VCAN: variants seen among roughly 807,000 people sequenced by gnomAD.
VCAN encodes versican, also known as versican core protein.
VCAN carries 44 observed loss-of-function variants against 245.5 expected under a neutral mutation model. The ratio of observed to expected loss-of-function variants is 0.18; its 90% CI spans 0.14 to 0.23. VCAN has a LOEUF of 0.23. VCAN is among the 10% of genes least tolerant of loss of function. VCAN has a pLI of 1.00. For synonymous variants in VCAN, 1,413 were observed against 1,437.0 expected (o/e 0.98, Z 0.38); for missense variants, 3,793 against 4,057.9 (o/e 0.93, Z 1.77).
intron 5 of VCAN, among the ~76,000 whole-genome samples, chr5:83,510,519 A>G (rs752037985): frequency 1.1e-4 from 17 of 152,192 alleles, no homozygotes; most frequent in Admixed American, 2.0e-4. Context: ...CAGCTACAAT[A>G]GTGGGCTATC....
Position 83,581,842 on chromosome 5 carries a change from G to A in VCAN, c.*1408G>A, listed in dbSNP as rs886060837. The A allele has an allele frequency of 2.4e-4, 37 of 152,168 alleles. No homozygotes were observed. The highest frequency in any genetic ancestry group is 7.2e-4 in the Admixed American group (11 of 15,266). 9.4% of individuals were successfully genotyped at this position (152,168 alleles called of 1,614,324 possible). On this transcript the variant is annotated 3_prime_UTR_variant, in exon 15 of 15. Coordinates refer to ENST00000265077, the MANE Select transcript of VCAN (RefSeq NM_004385.5). Reference sequence around the variant, plus strand: ...TTATCCACTTAATTTAATGTTTAAAGAAAAACCTGTAATGGAAAGTAAGAC... The same window carrying A: ...TTATCCACTTAATTTAATGTTTAAAAAAAAACCTGTAATGGAAAGTAAGAC...
intron 6 of VCAN, 143 bp from the exon 7 acceptor site, chr5:83,519,206 T>G: frequency 1.4e-6 from 1 of 732,316 alleles, no homozygotes; most frequent in Non-Finnish European, 2.2e-6. Context: ...AAGTATAGTT[T>G]TAAGACTCCT....
chr5:83,573,620 C>T (rs1185312748), intron 13 of VCAN, among the ~76,000 whole-genome samples: 30 of 151,992 alleles, frequency 2.0e-4, no homozygotes, highest in African/African-American at 4.8e-5. Flanking sequence ...AACATGACAG[C>T]GTGCTTCATA....
Position 83,521,441 on chromosome 5 carries a change from A to T in VCAN, c.3135A>T (p.Pro1045=), listed in dbSNP as rs1458584808. 1.2e-6 allele frequency: 2 copies of T among 1,614,048 alleles called. No homozygotes were observed. ...GGAAAGAACAGACTGCAGAGAAACCAGTTCCTGCTCTCAGTTCTACAGCTT... is the reference window on the plus strand; with the variant it reads ...GGAAAGAACAGACTGCAGAGAAACCTGTTCCTGCTCTCAGTTCTACAGCTT... ...FPWKEQTAEK[P]VPALSSTAWT... The change falls in exon 7 of 15, where the codon CCA becomes CCT. Residue 1045 remains proline, a synonymous_variant. Transcript: ENST00000265077.
chr5:83,482,538 G>A (rs182270558), intron 1 of VCAN, among the ~76,000 whole-genome samples: 8 of 152,318 alleles, frequency 5.3e-5, no homozygotes, highest in South Asian at 2.1e-4. Flanking sequence ...AAGGAGAAAC[G>A]CATGGCTATT....
At chr5:83,562,214 T>C (rs1747891715) in intron 12 of VCAN, 1 of 152,196 alleles carries the variant, frequency 6.6e-6, no homozygotes, top group Non-Finnish European at 1.5e-5. Flanking sequence ...AAGGAAAACA[T>C]GCTCTTTTCT....
intron 2 of VCAN, among the ~76,000 whole-genome samples, chr5:83,484,612 T>A (rs1364576559): frequency 6.6e-6 from 1 of 152,196 alleles, no homozygotes; most frequent in Non-Finnish European, 1.5e-5. Context: ...ATGATATTTT[T>A]TGAATACCTT....
intron 5 of VCAN, among the ~76,000 whole-genome samples, chr5:83,504,662 A>AT (rs1255468180): frequency 6.6e-6 from 1 of 152,206 alleles, no homozygotes; most frequent in African/African-American, 2.4e-5. Flanking sequence ...GATTACAGGC[A>AT]TGAGCCACTG....
chr5:83,575,799 A>G (rs1189818524), intron 13 of VCAN, among the ~76,000 whole-genome samples: 1 of 152,126 alleles, frequency 6.6e-6, no homozygotes, highest in Non-Finnish European at 1.5e-5. Flanking sequence ...TCACAAAAAC[A>G]CCATGATTGT....
chr5:83,568,737 AT>A (rs1218380202), intron 12 of VCAN, among the ~76,000 whole-genome samples: 1 of 152,198 alleles, frequency 6.6e-6, no homozygotes, highest in Non-Finnish European at 1.5e-5. Flanking sequence ...TATAAAGTTC[AT>A]TTTTAGCAAT....
In VCAN at chr5:83,519,344, TC is replaced by T; in HGVS notation, c.1043-4del. 6.2e-7 allele frequency: 1 copy of T among 1,613,574 alleles called. No individual in the cohort carries two copies. Among genetic ancestry groups the T allele is most frequent in the Non-Finnish European group, 8.5e-7 (1 of 1,179,710 alleles). On this transcript the variant is annotated splice_region_variant and splice_polypyrimidine_tract_variant and intron_variant, in intron 6 of 14. Transcript: ENST00000265077. Reference sequence around the variant, plus strand: ...CTAATCAACTCTTTGAAATTATTTTTCTAGCTAAAGAGGCTACAACCATCGA... The same window carrying T: ...CTAATCAACTCTTTGAAATTATTTTTTAGCTAAAGAGGCTACAACCATCGA...
At chr5:83,496,766 C>T (rs1745172748) in intron 5 of VCAN, among the ~76,000 whole-genome samples, 2 of 152,152 alleles carry the variant, frequency 1.3e-5, no homozygotes, top group Admixed American at 1.3e-4. Context: ...AGGAAGATCA[C>T]AAAATCATTC....
chr5:83,560,951 G>A lies in VCAN; in HGVS notation c.9735+5913G>A, dbSNP rs1580068752. On this transcript the variant is annotated intron_variant, in intron 12 of 14. Coordinates refer to ENST00000265077, the MANE Select transcript of VCAN (RefSeq NM_004385.5). ...GGGAACCATCACTTTAGATGGCCAT[G>A]TATAGAGGCCGAGGACTGAATAAAA... Among the ~76,000 whole-genome samples, 3 of 152,274 alleles carry A rather than the reference G, an allele frequency of 2.0e-5. No homozygotes were observed. The East Asian group carries it at 5.8e-4, about 29-fold the overall frequency.
intron 7 of VCAN, among the ~76,000 whole-genome samples, chr5:83,535,250 G>T (rs547345430): frequency 4.8e-4 from 73 of 152,000 alleles, no homozygotes; most frequent in Non-Finnish European, 9.7e-4. Flanking sequence ...TATACAGAAT[G>T]GAATGGAATG....
At chr5:83,532,029 T>C (rs1205407809) in intron 7 of VCAN, among the ~76,000 whole-genome samples, 2 of 152,158 alleles carry the variant, frequency 1.3e-5, no homozygotes, top group African/African-American at 4.8e-5. Flanking sequence ...AGCAGTCTTT[T>C]ATAAGACTAA....
At chr5:83,576,072 T>C (rs182448282) in intron 13 of VCAN, among the ~76,000 whole-genome samples, 175 of 152,256 alleles carry the variant, frequency 1.1e-3, no homozygotes, top group African/African-American at 4.1e-3. Context: ...ATTACATACT[T>C]GTAACGATTT....
chr5:83,558,781 A>G (rs913179204), intron 12 of VCAN, among the ~76,000 whole-genome samples: 12 of 152,134 alleles, frequency 7.9e-5, no homozygotes, highest in African/African-American at 2.4e-4. Flanking sequence ...ACTGGCCTCT[A>G]TAATAGGATG....
chr5:83,499,384 C>T lies in VCAN; in HGVS notation c.748+5453C>T, dbSNP rs140290660. Among the ~76,000 whole-genome samples the T allele has an allele frequency of 7.2e-3, 1,101 of 152,192 alleles. 13 individuals carry two copies. Among genetic ancestry groups the T allele is most frequent in the African/African-American group, 0.024 (993 of 41,516 alleles). On this transcript the variant is annotated intron_variant, in intron 5 of 14. Coordinates refer to ENST00000265077, the MANE Select transcript of VCAN (RefSeq NM_004385.5). ...CAAGAGCCTGTTCCAATTGCAGACA[C>T]GTAATAGTTATCCAATAAATAGTTG...
intron 5 of VCAN, among the ~76,000 whole-genome samples, chr5:83,509,053 AGAAAGAAAGAAAAG>A (rs1745565891): frequency 2.2e-5 from 3 of 134,692 alleles, no homozygotes; most frequent in Non-Finnish European, 4.7e-5. Context: ...AGAAAGAAAG[AGAAAGAAAGAAAAG>A]AAAGAAAGAA....
Sources: gnomAD v4.1 joint callset for allele counts (sites outside exome capture counted in the v4.1 genomes callset) on GRCh38, gnomAD v4.1.1 for gene constraint, MANE v1.5 for transcripts, NCBI Gene and HGNC (gene_info 2026-07-23, HGNC 2026-07-21) for gene names.